BAZ2B: variants seen among roughly 807,000 people sequenced by gnomAD.
The protein encoded by BAZ2B is bromodomain adjacent to zinc finger domain protein 2B.
In BAZ2B, 91 loss-of-function variants were observed where a neutral mutation model predicts 246.0. That is an observed-to-expected ratio of 0.37 (90% CI 0.31 to 0.44). The LOEUF (loss-of-function observed/expected upper bound fraction) is 0.44, where lower values mean the gene tolerates loss of function less well. Among genes scored for constraint, BAZ2B ranks in the 20% least tolerant of loss-of-function variants. The pLI, the probability that BAZ2B is intolerant of heterozygous loss-of-function variation, is 1.00. For synonymous variants in BAZ2B, 855 were observed against 860.0 expected (o/e 0.99, Z 0.10); for missense variants, 2,332 against 2,533.7 (o/e 0.92, Z 1.71).
At chr2:159,515,751 C>A (rs1341534693) in intron 2 of BAZ2B, among the ~76,000 whole-genome samples, 1 of 152,012 alleles carries the variant, frequency 6.6e-6, no homozygotes, top group Non-Finnish European at 1.5e-5. Context: ...TTATTCCCTT[C>A]TTATATTCTG....
At chr2:159,572,437 C>T (rs1312481464) in intron 1 of BAZ2B, among the ~76,000 whole-genome samples, 1 of 152,106 alleles carries the variant, frequency 6.6e-6, no homozygotes, top group Non-Finnish European at 1.5e-5. Flanking sequence ...TAACTTTGAA[C>T]AGTTACTGTC....
intron 1 of BAZ2B, among the ~76,000 whole-genome samples, chr2:159,600,881 A>G (rs1691973134): frequency 6.6e-6 from 1 of 152,136 alleles, no homozygotes; most frequent in Admixed American, 6.6e-5. Flanking sequence ...CTTTCATTAG[A>G]GTTGAGGAGA....
At chr2:159,391,766 C>T (rs748578939) in intron 20 of BAZ2B, among the ~76,000 whole-genome samples, 1 of 95,246 alleles carries the variant, frequency 1.0e-5, no homozygotes, top group Non-Finnish European at 3.0e-5. Context: ...GAATAGAATG[C>T]AAAAGTCATA....
chr2:159,411,035 C>A (rs1430357029), intron 14 of BAZ2B, among the ~76,000 whole-genome samples: 3 of 152,088 alleles, frequency 2.0e-5, no homozygotes, highest in Non-Finnish European at 4.4e-5. Flanking sequence ...TTATTTATTT[C>A]TTTAGAGACA....
At chr2:159,385,079 T>G in intron 23 of BAZ2B, 76 bp downstream of exon 23, 1 of 1,441,306 alleles carries the variant, frequency 6.9e-7, no homozygotes, top group Non-Finnish European at 9.6e-7. Flanking sequence ...CAATTTTCTA[T>G]AATCAATTTG....
At chr2:159,624,444 T>A in the BAZ2B span, among the ~76,000 whole-genome samples, 1 of 151,472 alleles carries the variant, frequency 6.6e-6, no homozygotes, top group Non-Finnish European at 1.5e-5. Context: ...ATAGGAGAGG[T>A]CTGGCTGGCC....
rs1026819432 is a variant in BAZ2B, at chr2:159,475,612, T to C, written c.145+2963A>G. Among the ~76,000 whole-genome samples, 4 of 152,218 alleles carry C rather than the reference T, an allele frequency of 2.6e-5. No individual in the cohort carries two copies. The South Asian group carries it at 8.3e-4, about 32-fold the overall frequency. On this transcript the variant is annotated intron_variant, in intron 3 of 36. Transcript: ENST00000392783. ...TTATCTTGCTGGATAGGAGATGTGATCCTTTGTAGGAGAAGAGGTGTTCCG... is the reference window on the plus strand; with the variant it reads ...TTATCTTGCTGGATAGGAGATGTGACCCTTTGTAGGAGAAGAGGTGTTCCG...
At chr2:159,587,294 A>G (rs963851734) in intron 1 of BAZ2B, among the ~76,000 whole-genome samples, 1 of 152,026 alleles carries the variant, frequency 6.6e-6, no homozygotes, top group Non-Finnish European at 1.5e-5. Context: ...GTTAGCCAGG[A>G]CGGTCTCCAT....
At chr2:159,440,688 T>G (rs961630700) in intron 6 of BAZ2B, among the ~76,000 whole-genome samples, 1 of 152,032 alleles carries the variant, frequency 6.6e-6, no homozygotes, top group African/African-American at 2.4e-5. Context: ...TTTTTGTATT[T>G]TTAGTAGAGA....
chr2:159,325,117 T>TGAG (rs2063472067), intron 35 of BAZ2B, among the ~76,000 whole-genome samples, 163 bp from the exon 36 acceptor site: 1 of 3,394 alleles, frequency 2.9e-4, no homozygotes, highest in Non-Finnish European at 7.0e-4. Flanking sequence ...TATATATATT[T>TGAG]TATATATATA....
intron 34 of BAZ2B, among the ~76,000 whole-genome samples, chr2:159,329,395 T>A (rs1364158344): frequency 2.0e-5 from 3 of 152,158 alleles, no homozygotes; most frequent in African/African-American, 7.2e-5. Flanking sequence ...GACTCTGGTA[T>A]CCATGGTGGA....
chr2:159,649,142 C>T, the BAZ2B span, among the ~76,000 whole-genome samples: 33 of 152,106 alleles, frequency 2.2e-4, no homozygotes, highest in Middle Eastern at 3.4e-3. Flanking sequence ...CTGTTCAACT[C>T]GTTGGCCATT....
intron 1 of BAZ2B, among the ~76,000 whole-genome samples, chr2:159,611,387 G>A (rs1694693179): frequency 1.3e-5 from 2 of 151,818 alleles, no homozygotes. Flanking sequence ...TTGAGTCATA[G>A]TCAAAGGTAA....
rs147791342 is a variant in BAZ2B at position 159,344,491 on chromosome 2, G to A, written c.5454+2995C>T. Among the ~76,000 whole-genome samples, 776 of 147,786 alleles carry A rather than the reference G, an allele frequency of 5.3e-3. 4 individuals carry two copies. The highest frequency in any genetic ancestry group is 0.017 in the African/African-American group (694 of 40,300). On this transcript the variant is annotated intron_variant, in intron 31 of 36. Coordinates refer to ENST00000392783, the MANE Select transcript of BAZ2B (RefSeq NM_013450.4). ...GGAGGCTGCGGTGAGCTGAGATGGC[G>A]CCATTGAACTCCAGCCCGGGCAACA...
chr2:159,415,679 A>G (rs932522786), intron 13 of BAZ2B, among the ~76,000 whole-genome samples: 16 of 152,168 alleles, frequency 1.1e-4, no homozygotes, highest in African/African-American at 3.9e-4. Context: ...CAAAGTAGAA[A>G]TTTTGGTTGA....
chr2:159,443,149 CAT>C (rs1465767534), intron 6 of BAZ2B, among the ~76,000 whole-genome samples: 1 of 152,164 alleles, frequency 6.6e-6, no homozygotes, highest in South Asian at 2.1e-4. Flanking sequence ...TATTCCCTAA[CAT>C]GTGATACTTT....
At chr2:159,687,006 C>T in the BAZ2B span, among the ~76,000 whole-genome samples, 14 of 140,440 alleles carry the variant, frequency 1.0e-4, no homozygotes, top group South Asian at 1.9e-3. Flanking sequence ...TGCGCCACTA[C>T]GCTCCAGCCT....
intron 2 of BAZ2B, among the ~76,000 whole-genome samples, chr2:159,520,256 G>GT (rs2151255241): frequency 6.6e-6 from 1 of 152,160 alleles, no homozygotes; most frequent in East Asian, 1.9e-4. Flanking sequence ...TTACTACTGG[G>GT]TTGGTCTGCT....
At chr2:159,560,994 T>C (rs1399168424) in intron 1 of BAZ2B, among the ~76,000 whole-genome samples, 3 of 152,124 alleles carry the variant, frequency 2.0e-5, no homozygotes, top group African/African-American at 7.2e-5. Flanking sequence ...CTGGTGACAA[T>C]GTGATCTATC....
Sources: gnomAD v4.1 joint callset for allele counts (sites outside exome capture counted in the v4.1 genomes callset) on GRCh38, gnomAD v4.1.1 for gene constraint, MANE v1.5 for transcripts, NCBI Gene and HGNC (gene_info 2026-07-23, HGNC 2026-07-21) for gene names.